CNTNAP2: variants seen among roughly 807,000 people sequenced by gnomAD.
The protein encoded by CNTNAP2 is contactin-associated protein-like 2.
A neutral mutation model predicts 155.2 loss-of-function variants in CNTNAP2; 98 were observed. That is an observed-to-expected ratio of 0.63 (90% CI 0.54 to 0.75). The LOEUF (loss-of-function observed/expected upper bound fraction) is 0.75, where lower values mean the gene tolerates loss of function less well. Among genes scored for constraint, CNTNAP2 ranks in the 30% least tolerant of loss-of-function variants. The probability of loss-of-function intolerance (pLI) is 0.00; values close to 1 mark genes in which losing one functional copy is unlikely to be tolerated. For missense variants in CNTNAP2, 1,727 were observed against 1,688.1 expected (o/e 1.02, Z -0.40); for synonymous variants, 651 against 631.2 (o/e 1.03, Z -0.47).
At chr7:146,965,403 C>G (rs1474749667) in intron 3 of CNTNAP2, among the ~76,000 whole-genome samples, 1 of 11,058 alleles carries the variant, frequency 9.0e-5, no homozygotes, top group East Asian at 0.17. Flanking sequence ...AGAGTCAGAA[C>G]TCACATTGGG....
At chr7:148,329,119 A>G (rs568725564) in intron 21 of CNTNAP2, among the ~76,000 whole-genome samples, 1 of 152,154 alleles carries the variant, frequency 6.6e-6, no homozygotes, top group African/African-American at 2.4e-5. Context: ...CCCCTGGACC[A>G]GGACACCCAG....
chr7:146,467,502 C>T (rs1259669069), intron 1 of CNTNAP2, among the ~76,000 whole-genome samples: 1 of 152,132 alleles, frequency 6.6e-6, no homozygotes, highest in African/African-American at 2.4e-5. Context: ...TCCAGACTGT[C>T]CATCCATCTC....
intron 18 of CNTNAP2, among the ~76,000 whole-genome samples, chr7:148,216,805 G>C (rs1350064422): frequency 1.3e-5 from 2 of 152,166 alleles, no homozygotes; most frequent in Non-Finnish European, 2.9e-5. Flanking sequence ...AAGGGACCTG[G>C]TTGGAAGTAA....
chr7:147,969,292 C>T (rs1801288248), intron 14 of CNTNAP2, among the ~76,000 whole-genome samples: 1 of 152,142 alleles, frequency 6.6e-6, no homozygotes, highest in Non-Finnish European at 1.5e-5. Context: ...CTCAAGTGAT[C>T]CTCCCATCTT....
At chr7:146,754,084 A>G (rs999520393) in intron 1 of CNTNAP2, among the ~76,000 whole-genome samples, 1 of 151,992 alleles carries the variant, frequency 6.6e-6, no homozygotes, top group Non-Finnish European at 1.5e-5. Context: ...TTTCAATAAG[A>G]CACAAGTTTT....
chr7:148,110,016 G>A (rs148646058), intron 15 of CNTNAP2, among the ~76,000 whole-genome samples: 1,560 of 151,740 alleles, frequency 0.01, 18 homozygotes, highest in South Asian at 0.044. Context: ...GACCCCCAAT[G>A]AAACTTGTTT....
intron 2 of CNTNAP2, among the ~76,000 whole-genome samples, chr7:146,809,829 G>C (rs764343823): frequency 1.3e-5 from 2 of 151,908 alleles, no homozygotes; most frequent in Non-Finnish European, 2.9e-5. Context: ...TGTTTCCTTT[G>C]CTGTACAGAA....
chr7:148,263,710 C>T (rs1796616144), intron 20 of CNTNAP2, among the ~76,000 whole-genome samples: 1 of 148,012 alleles, frequency 6.8e-6, no homozygotes, highest in Admixed American at 6.7e-5. Flanking sequence ...GCACTCCAGC[C>T]TGGGCGACAG....
At chr7:147,386,787 GA>G (rs1286087241) in intron 9 of CNTNAP2, among the ~76,000 whole-genome samples, 6 of 152,090 alleles carry the variant, frequency 3.9e-5, no homozygotes, top group Admixed American at 3.3e-4. Flanking sequence ...ACATTTTCAG[GA>G]TTCTTTTCAG....
intron 1 of CNTNAP2, among the ~76,000 whole-genome samples, chr7:146,443,124 A>G (rs147679597): frequency 0.036 from 5,391 of 151,612 alleles, 335 homozygotes; most frequent in African/African-American, 0.12. Flanking sequence ...TGAGGCAGGG[A>G]AATGGCGTGA....
chr7:147,881,341 C>T (rs1177849337), intron 13 of CNTNAP2, among the ~76,000 whole-genome samples: 1 of 152,106 alleles, frequency 6.6e-6, no homozygotes, highest in East Asian at 1.9e-4. Context: ...ACTTATGTGG[C>T]ATTAGCATTA....
At chr7:147,184,864 T>C (rs1802531955) in intron 8 of CNTNAP2, among the ~76,000 whole-genome samples, 2 of 152,106 alleles carry the variant, frequency 1.3e-5, no homozygotes, top group African/African-American at 2.4e-5. Flanking sequence ...CAATTAACAA[T>C]GGAAATGTAA....
chr7:147,984,308 C>CT (rs1252868300), intron 15 of CNTNAP2, among the ~76,000 whole-genome samples: 1 of 152,218 alleles, frequency 6.6e-6, no homozygotes, highest in Non-Finnish European at 1.5e-5. Context: ...CTTAGAACTT[C>CT]TAACCACCTG....
At chr7:146,770,916 A>G (rs1294173824) in intron 1 of CNTNAP2, among the ~76,000 whole-genome samples, 1 of 152,172 alleles carries the variant, frequency 6.6e-6, no homozygotes, top group Non-Finnish European at 1.5e-5. Context: ...AAAATGTGTC[A>G]TGCATTATTA....
intron 8 of CNTNAP2, among the ~76,000 whole-genome samples, chr7:147,215,175 A>G (rs1015854588): frequency 1.3e-5 from 2 of 152,180 alleles, no homozygotes; most frequent in Non-Finnish European, 2.9e-5. Flanking sequence ...TAAATTGGTT[A>G]CAATTGATGA....
chr7:148,066,920 C>A (rs1483950297), intron 15 of CNTNAP2, among the ~76,000 whole-genome samples: 4 of 152,226 alleles, frequency 2.6e-5, no homozygotes, highest in Non-Finnish European at 5.9e-5. Flanking sequence ...TTTTTCATTT[C>A]TCTAAGTGTG....
At chr7:148,073,171 C>T (rs1242791397) in intron 15 of CNTNAP2, among the ~76,000 whole-genome samples, 1 of 152,126 alleles carries the variant, frequency 6.6e-6, no homozygotes, top group Non-Finnish European at 1.5e-5. Context: ...TGGTCTAATA[C>T]ACTGAAAACT....
chr7:148,108,491 A>G (rs1468932937), intron 15 of CNTNAP2, among the ~76,000 whole-genome samples: 1 of 152,152 alleles, frequency 6.6e-6, no homozygotes, highest in Non-Finnish European at 1.5e-5. Context: ...TGAGAGGAGT[A>G]AACCAGCTGA....
chr7:147,937,762 C>G (rs985116920), intron 14 of CNTNAP2, among the ~76,000 whole-genome samples: 31 of 152,074 alleles, frequency 2.0e-4, no homozygotes, highest in African/African-American at 7.0e-4. Flanking sequence ...TTTCGAAACC[C>G]CTTTGAGATA....
Sources: allele counts gnomAD v4.1 joint callset (sites outside exome capture counted in the v4.1 genomes callset), GRCh38; gene constraint gnomAD v4.1.1; transcripts MANE v1.5; gene names NCBI Gene and HGNC (gene_info 2026-07-23, HGNC 2026-07-21).